The following EPS8 variants were observed in gnomAD, a reference collection of about 807,000 sequenced individuals.
EPS8 encodes EGFR pathway substrate 8, signaling adaptor, also known as epidermal growth factor receptor kinase substrate 8.
In EPS8, 42 loss-of-function variants were observed where a neutral mutation model predicts 103.8. The ratio of observed to expected loss-of-function variants is 0.40; its 90% confidence interval spans 0.32 to 0.52. The LOEUF (loss-of-function observed/expected upper bound fraction) is 0.52, where lower values mean the gene tolerates loss of function less well. EPS8 is among the 20% of genes least tolerant of loss of function. The pLI is 0.40. For missense variants in EPS8, 969 were observed against 1,005.1 expected (o/e 0.96, Z 0.49); for synonymous variants, 344 against 344.6 (o/e 1.00, Z 0.02).
Position 15,762,087 on chromosome 12 carries a change from G to A in EPS8, c.-22+27074C>T, listed in dbSNP as rs1224765035. Among the ~76,000 whole-genome samples, 1 of 152,034 alleles carries A rather than the reference G, an allele frequency of 6.6e-6. No individual in the cohort carries two copies. The highest frequency in any genetic ancestry group is 1.5e-5 in the Non-Finnish European group (1 of 67,990). Reference sequence around the variant, plus strand: ...ATATAGAGCTCAAACAACTCTACAAGAAAACATCTAATAATCCATTCAAAA... The same window carrying A: ...ATATAGAGCTCAAACAACTCTACAAAAAAACATCTAATAATCCATTCAAAA... On this transcript the variant is annotated intron_variant, in intron 1 of 20. Transcript: ENST00000281172. This position sits in a 1 kb window ranked among gnomAD's most constrained non-coding sequence, Gnocchi z 4.8.
intron 10 of EPS8, among the ~76,000 whole-genome samples, chr12:15,659,838 G>C (rs1945573575): frequency 6.6e-6 from 1 of 152,090 alleles, no homozygotes; most frequent in Admixed American, 6.5e-5. Flanking sequence ...GTCTGTATGT[G>C]ACTTTGTATG....
intron 3 of EPS8, chr12:15,672,365 C>G (rs936545227): frequency 7.6e-6 from 3 of 396,630 alleles, no homozygotes; most frequent in African/African-American, 6.2e-5. Flanking sequence ...CAATATTACT[C>G]TGATATTCCA....
chr12:15,631,952 G>T (rs1591803870), intron 17 of EPS8, among the ~76,000 whole-genome samples: 1 of 152,252 alleles, frequency 6.6e-6, no homozygotes, highest in Middle Eastern at 3.4e-3. Flanking sequence ...TTTGGGCTTG[G>T]AATCACACAA....
chr12:15,761,702 T>C lies in EPS8; in HGVS notation c.-22+27459A>G, dbSNP rs1433566229. Among the ~76,000 whole-genome samples, 1 of 152,016 alleles carries C rather than the reference T, an allele frequency of 6.6e-6. No individual in the cohort carries two copies. The highest frequency in any genetic ancestry group is 6.6e-5 in the Admixed American group (1 of 15,260). On this transcript the variant is annotated intron_variant, in intron 1 of 20. Coordinates refer to ENST00000281172, the MANE Select transcript of EPS8 (RefSeq NM_004447.6). This position sits in a 1 kb window ranked among gnomAD's most constrained non-coding sequence, Gnocchi z 4.5. ...ACTGGGGAAAAGACAGACTCTTCAA[T>C]AAATGGCGCTGGGAAAACTGGATAT...
At chr12:15,685,176 G>C (rs993479545) in intron 1 of EPS8, among the ~76,000 whole-genome samples, 7 of 152,132 alleles carry the variant, frequency 4.6e-5, no homozygotes, top group African/African-American at 1.7e-4. Flanking sequence ...TAACATTATG[G>C]AACTAGAGAT....
chr12:15,651,381 A>C (rs1945411437), intron 13 of EPS8, among the ~76,000 whole-genome samples: 1 of 152,084 alleles, frequency 6.6e-6, no homozygotes. Context: ...CTAACATTTA[A>C]AGTAGTTTCA....
intron 1 of EPS8, among the ~76,000 whole-genome samples, chr12:15,694,066 C>CA (rs1855454115): frequency 6.6e-6 from 1 of 151,960 alleles, no homozygotes; most frequent in South Asian, 2.1e-4. Flanking sequence ...TAAAATTTTT[C>CA]AAAAAATGAA....
chr12:15,710,881 T>A (rs918423837), intron 1 of EPS8, among the ~76,000 whole-genome samples: 3 of 152,208 alleles, frequency 2.0e-5, no homozygotes, highest in Non-Finnish European at 4.4e-5. Context: ...AAGGCTAGAA[T>A]TTTTTCTAAG....
intron 1 of EPS8, among the ~76,000 whole-genome samples, chr12:15,719,828 G>C (rs921309837): frequency 3.3e-5 from 5 of 152,134 alleles, no homozygotes; most frequent in African/African-American, 9.7e-5. Context: ...CCTCTTAATT[G>C]TAATTCTAAA....
rs1448416485 is a variant in EPS8 at position 15,704,909 on chromosome 12, T to TGCAC, written c.-21-21941_-21-21938dup. Among the ~76,000 whole-genome samples, 1 of 152,126 alleles carries TGCAC rather than the reference T, an allele frequency of 6.6e-6. No homozygotes were observed. Among genetic ancestry groups the TGCAC allele is most frequent in the African/African-American group, 2.4e-5 (1 of 41,430 alleles). On this transcript the variant is annotated intron_variant, in intron 1 of 20. Transcript: ENST00000281172. The surrounding 1 kb of genome is among the most constrained non-coding windows in gnomAD (Gnocchi z 4.6). ...ACAATTTCCTTGGCATGCGTGCGCA[T>TGCAC]GCACACACACACACAAAAAACTGTC... is the stretch of plus-strand genomic sequence containing the variant.
At chr12:15,709,835 G>A (rs527460165) in intron 1 of EPS8, among the ~76,000 whole-genome samples, 3 of 152,276 alleles carry the variant, frequency 2.0e-5, no homozygotes, top group African/African-American at 7.2e-5. Context: ...AGGAGTAGGC[G>A]GGATGGATCA....
chr12:15,777,229 T>C lies in EPS8; in HGVS notation c.-22+11932A>G, dbSNP rs878934941. ...TCAAGATATATTTTAATTCAAATTC[T>C]AAAATTCCCTACAGTGATAAGGGGT... On this transcript the variant is annotated intron_variant, in intron 1 of 20. Coordinates refer to ENST00000281172, the MANE Select transcript of EPS8 (RefSeq NM_004447.6). The surrounding 1 kb of genome is among the most constrained non-coding windows in gnomAD (Gnocchi z 4.7). 2.0e-5 allele frequency among the ~76,000 whole-genome samples: 3 copies of C among 151,908 alleles called. No homozygotes were observed. Among genetic ancestry groups the C allele is most frequent in the Admixed American group, 6.6e-5 (1 of 15,244 alleles).
intron 15 of EPS8, among the ~76,000 whole-genome samples, chr12:15,643,747 A>G (rs1472370125): frequency 1.3e-5 from 2 of 151,560 alleles, no homozygotes; most frequent in Non-Finnish European, 3.0e-5. Flanking sequence ...CTCGAAAAAA[A>G]AAAAAAAAAA....
chr12:15,699,294 T>A (rs1031886106), intron 1 of EPS8, among the ~76,000 whole-genome samples: 5 of 152,236 alleles, frequency 3.3e-5, no homozygotes, highest in African/African-American at 9.6e-5. Context: ...GAAAATAGTA[T>A]GAAGATGAGC....
chr12:15,697,222 C>G lies in EPS8; in HGVS notation c.-21-14250G>C, dbSNP rs373134765. 9.9e-5 allele frequency among the ~76,000 whole-genome samples: 15 copies of G among 152,156 alleles called. No individual in the cohort carries two copies. The highest frequency in any genetic ancestry group is 3.6e-4 in the African/African-American group (15 of 41,436). On this transcript the variant is annotated intron_variant, in intron 1 of 20. Coordinates refer to ENST00000281172, the MANE Select transcript of EPS8 (RefSeq NM_004447.6). This position sits in a 1 kb window ranked among gnomAD's most constrained non-coding sequence, Gnocchi z 5.6. ...CAAACTGATTAAAATGTCTAAATAA[C>G]CCCCCAAATTAACTCCAGCTCTTGA...
chr12:15,724,965 C>T (rs988442033), intron 1 of EPS8, among the ~76,000 whole-genome samples: 1 of 151,852 alleles, frequency 6.6e-6, no homozygotes, highest in Non-Finnish European at 1.5e-5. Context: ...AAATAGCATA[C>T]AATGCATGAA....
rs148932045 is a variant in EPS8 at position 15,684,728 on chromosome 12, C to A, written c.-21-1756G>T. ...GGAAGGGCTGGGACTTGACCTAGTTCTTAAAAAAATGGGTAAGAATGGCCC... is the reference window on the plus strand; with the variant it reads ...GGAAGGGCTGGGACTTGACCTAGTTATTAAAAAAATGGGTAAGAATGGCCC... On this transcript the variant is annotated intron_variant, in intron 1 of 20. Coordinates refer to ENST00000281172, the MANE Select transcript of EPS8 (RefSeq NM_004447.6). The surrounding 1 kb of genome is among the most constrained non-coding windows in gnomAD (Gnocchi z 4.9). Among the ~76,000 whole-genome samples the A allele has an allele frequency of 7.0e-4, 107 of 152,166 alleles. No individual in the cohort carries two copies. Among genetic ancestry groups the A allele is most frequent in the African/African-American group, 2.6e-3 (106 of 41,512 alleles).
intron 1 of EPS8, among the ~76,000 whole-genome samples, chr12:15,770,468 T>C (rs1446053415): frequency 6.6e-6 from 1 of 152,168 alleles, no homozygotes; most frequent in Non-Finnish European, 1.5e-5. Context: ...AAGCTCTCAC[T>C]GTCTTACTCA....
chr12:15,739,216 G>C (rs1402035767), intron 1 of EPS8, among the ~76,000 whole-genome samples: 3 of 152,156 alleles, frequency 2.0e-5, no homozygotes, highest in African/African-American at 7.2e-5. Flanking sequence ...AATGTTTAAA[G>C]TCCCAAGATC....
Sources: gnomAD v4.1 joint callset for allele counts (sites outside exome capture counted in the v4.1 genomes callset) on GRCh38, gnomAD v4.1.1 for gene constraint, Gnocchi (gnomAD v3.1) non-coding constraint, MANE v1.5 for transcripts, NCBI Gene and HGNC (gene_info 2026-07-23, HGNC 2026-07-21) for gene names.